RGS7: variants seen among roughly 807,000 people sequenced by gnomAD.
RGS7 encodes regulator of G-protein signaling 7.
Under a neutral mutation model 81.1 loss-of-function variants are expected in RGS7, and 27 were observed. That is an observed-to-expected ratio of 0.33 (90% CI 0.25 to 0.46). RGS7 has a LOEUF of 0.46. Among genes scored for constraint, RGS7 ranks in the 20% least tolerant of loss-of-function variants. The pLI is 1.00. For synonymous variants in RGS7, 208 were observed against 207.7 expected, an observed-to-expected ratio of 1.00 and a Z score of -0.01; for missense variants, 396 against 607.4, an observed-to-expected ratio of 0.65 and a Z score of 3.66.
At chr1:240,915,950 AAG>A (rs910465913) in intron 6 of RGS7, among the ~76,000 whole-genome samples, 1 of 151,926 alleles carries the variant, frequency 6.6e-6, no homozygotes, top group African/African-American at 2.4e-5. Flanking sequence ...CTGAAATACA[AAG>A]AGAAAAAAAA....
intron 2 of RGS7, among the ~76,000 whole-genome samples, chr1:241,219,680 C>G (rs1380721271): frequency 6.6e-6 from 1 of 152,118 alleles, no homozygotes; most frequent in South Asian, 2.1e-4. Flanking sequence ...AACATACCAC[C>G]TTTGTATGTT....
At chr1:241,324,073 T>C (rs1025908444) in intron 2 of RGS7, among the ~76,000 whole-genome samples, 1 of 152,190 alleles carries the variant, frequency 6.6e-6, no homozygotes, top group Non-Finnish European at 1.5e-5. Context: ...AGATGATGAA[T>C]GTGTAGTGGT....
At chr1:241,221,000 AGAG>A (rs746906115) in intron 2 of RGS7, among the ~76,000 whole-genome samples, 10,823 of 95,304 alleles carry the variant, frequency 0.11, 843 homozygotes, top group Non-Finnish European at 0.16. Flanking sequence ...GAAGGAAGAG[AGAG>A]AGAAAGGAAG....
intron 9 of RGS7, among the ~76,000 whole-genome samples, chr1:240,859,519 CATT>C (rs1661805872): frequency 8.6e-6 from 1 of 116,352 alleles, no homozygotes; most frequent in Non-Finnish European, 1.7e-5. Flanking sequence ...TAGAATATTT[CATT>C]ATTATGCTTT....
chr1:241,235,366 T>C (rs1398451867), intron 2 of RGS7, among the ~76,000 whole-genome samples: 1 of 152,142 alleles, frequency 6.6e-6, no homozygotes, highest in Non-Finnish European at 1.5e-5. Context: ...CTAACTAACA[T>C]AAGCAAAAAT....
intron 2 of RGS7, among the ~76,000 whole-genome samples, chr1:241,304,441 T>C (rs2079961234): frequency 6.6e-6 from 1 of 152,154 alleles, no homozygotes; most frequent in Non-Finnish European, 1.5e-5. Context: ...ACAGCAGTTG[T>C]GAGTGTACTG....
At chr1:241,018,511 T>C (rs1252770961) in intron 3 of RGS7, among the ~76,000 whole-genome samples, 1 of 152,152 alleles carries the variant, frequency 6.6e-6, no homozygotes, top group Non-Finnish European at 1.5e-5. Flanking sequence ...GTTTTTGTTT[T>C]TGTTTCTATT....
intron 3 of RGS7, among the ~76,000 whole-genome samples, chr1:241,095,977 G>C (rs2064221997): frequency 6.6e-6 from 1 of 152,174 alleles, no homozygotes. Context: ...GCACAAATTG[G>C]TAACTTGAGA....
intron 2 of RGS7, among the ~76,000 whole-genome samples, chr1:241,250,238 T>C (rs1413417563): frequency 6.6e-6 from 1 of 152,200 alleles, no homozygotes; most frequent in Non-Finnish European, 1.5e-5. Flanking sequence ...TTCTATTTAA[T>C]ATTTAATATC....
chr1:240,828,519 T>A (rs1445465053), intron 9 of RGS7, among the ~76,000 whole-genome samples: 2 of 152,234 alleles, frequency 1.3e-5, no homozygotes, highest in Non-Finnish European at 2.9e-5. Context: ...CCAGGTGCGG[T>A]GGCTCACGCC....
At chr1:241,205,099 A>G (rs2073788905) in intron 2 of RGS7, among the ~76,000 whole-genome samples, 1 of 128,508 alleles carries the variant, frequency 7.8e-6, no homozygotes, top group Non-Finnish European at 1.6e-5. Context: ...TTTTTTTGAG[A>G]TGGAGTCTCA....
At chr1:241,346,964 A>C (rs184931021) in intron 2 of RGS7, among the ~76,000 whole-genome samples, 2 of 152,202 alleles carry the variant, frequency 1.3e-5, no homozygotes, top group Non-Finnish European at 1.5e-5. Flanking sequence ...ATTAGTATGA[A>C]TCTATTCTCT....
At chr1:241,041,099 G>T (rs572669818) in intron 3 of RGS7, among the ~76,000 whole-genome samples, 5 of 152,198 alleles carry the variant, frequency 3.3e-5, no homozygotes, top group Admixed American at 3.3e-4. Context: ...GCTTTTAAAT[G>T]TATATATTTA....
chr1:240,782,184 T>G (rs1684235237), intron 18 of RGS7, among the ~76,000 whole-genome samples: 1 of 152,208 alleles, frequency 6.6e-6, no homozygotes, highest in Non-Finnish European at 1.5e-5. Flanking sequence ...CCTACTCTAG[T>G]GCACAAAGAA....
At chr1:241,134,559 G>A (rs948469947) in intron 2 of RGS7, among the ~76,000 whole-genome samples, 1 of 152,176 alleles carries the variant, frequency 6.6e-6, no homozygotes, top group African/African-American at 2.4e-5. Context: ...AGAAATCTGA[G>A]AATAGAATGG....
chr1:241,312,397 G>A (rs188129499), intron 2 of RGS7, among the ~76,000 whole-genome samples: 37 of 152,276 alleles, frequency 2.4e-4, no homozygotes, highest in Admixed American at 2.0e-3. Flanking sequence ...ACTCCGCACT[G>A]AGCAAGGCCA....
rs115331580 is a variant in RGS7 at position 241,289,256 on chromosome 1, A to G, written c.78+66443T>C. 7.0e-3 allele frequency among the ~76,000 whole-genome samples: 1,072 copies of G among 152,230 alleles called. 14 individuals carry two copies. Among genetic ancestry groups the G allele is most frequent in the African/African-American group, 0.025 (1,039 of 41,540 alleles). ...ACACTCTCTCTTCTTCAGTCAATTC[A>G]AACTATTTGTAGGTCCCTAAGCACA... On this transcript the variant is annotated intron_variant, in intron 2 of 18. Transcript: ENST00000440928.
At chr1:241,243,080 A>G (rs2148152979) in intron 2 of RGS7, among the ~76,000 whole-genome samples, 1 of 152,150 alleles carries the variant, frequency 6.6e-6, no homozygotes, top group Non-Finnish European at 1.5e-5. Flanking sequence ...TCCCCAACCC[A>G]ACTTTGATTT....
At chr1:241,261,856 C>T (rs2077352767) in intron 2 of RGS7, among the ~76,000 whole-genome samples, 1 of 151,764 alleles carries the variant, frequency 6.6e-6, no homozygotes, top group Non-Finnish European at 1.5e-5. Context: ...AATGTATTTC[C>T]CCGGATTTTT....
Sources: allele counts gnomAD v4.1 joint callset (sites outside exome capture counted in the v4.1 genomes callset), GRCh38; gene constraint gnomAD v4.1.1; transcripts MANE v1.5; gene names NCBI Gene and HGNC (gene_info 2026-07-23, HGNC 2026-07-21).